The following ZNF100 variants were observed in gnomAD, a reference collection of about 807,000 sequenced individuals.
ZNF100 encodes zinc finger protein 100 (Y1).
In ZNF100, 12 loss-of-function variants were observed where a neutral mutation model predicts 15.8. The ratio of observed to expected loss-of-function variants is 0.76; its 90% CI spans 0.49 to 1.23. ZNF100 has a LOEUF of 1.23. ZNF100 is among the 50% of genes most tolerant of loss of function. ZNF100 has a pLI of 0.00. For missense variants in ZNF100, 670 were observed against 635.6 expected (o/e 1.05, Z -0.58); for synonymous variants, 226 against 214.8 (o/e 1.05, Z -0.45).
At chr19:21,732,236 T>C (rs2035933111) in intron 4 of ZNF100, among the ~76,000 whole-genome samples, 1 of 152,192 alleles carries the variant, frequency 6.6e-6, no homozygotes, top group African/African-American at 2.4e-5. Context: ...CCAAGAAAGA[T>C]ACAGTTACAA....
At chr19:21,745,817 CG>C (rs1466581504) in intron 2 of ZNF100, among the ~76,000 whole-genome samples, 10 of 152,166 alleles carry the variant, frequency 6.6e-5, no homozygotes, top group Non-Finnish European at 1.3e-4. Flanking sequence ...CCACCACGCC[CG>C]GCCGAGTTTC....
At chr19:21,738,971 T>C (rs1454326420) in intron 4 of ZNF100, among the ~76,000 whole-genome samples, 2 of 152,158 alleles carry the variant, frequency 1.3e-5, no homozygotes, top group African/African-American at 4.8e-5. Context: ...CCAGGTTCTT[T>C]TAATGAACCA....
At chr19:21,738,583 A>G (rs1386892684) in intron 4 of ZNF100, among the ~76,000 whole-genome samples, 1 of 152,152 alleles carries the variant, frequency 6.6e-6, no homozygotes, top group Non-Finnish European at 1.5e-5. Context: ...CTATTTAATA[A>G]ATGGTTCTGG....
At chr19:21,750,844 C>A (rs2036293695) in intron 2 of ZNF100, 1 of 477,914 alleles carries the variant, frequency 2.1e-6, no homozygotes. Context: ...GCAGAGACGC[C>A]CCATGGGGAA....
chr19:21,766,017 A>G (rs978656837), intron 1 of ZNF100, among the ~76,000 whole-genome samples: 3 of 152,190 alleles, frequency 2.0e-5, no homozygotes, highest in Non-Finnish European at 4.4e-5. Context: ...AGAGACACAG[A>G]GATTTTCTAC....
At chr19:21,728,032 CAGAT>C (rs747159044) in intron 4 of ZNF100, 43 bp from the exon 5 acceptor site, 7 of 1,430,910 alleles carry the variant, frequency 4.9e-6, no homozygotes, top group East Asian at 2.5e-5. Flanking sequence ...TTACTAGACA[CAGAT>C]AGTTTACAAA....
At chr19:21,750,140 G>C (rs983308918) in intron 2 of ZNF100, among the ~76,000 whole-genome samples, 1 of 152,176 alleles carries the variant, frequency 6.6e-6, no homozygotes, top group African/African-American at 2.4e-5. Flanking sequence ...ATCTTCCAAA[G>C]ACTGAACAAA....
At chr19:21,733,383 A>T (rs1286246593) in intron 4 of ZNF100, among the ~76,000 whole-genome samples, 1 of 152,008 alleles carries the variant, frequency 6.6e-6, no homozygotes, top group Admixed American at 6.6e-5. Flanking sequence ...ACATTGTTTT[A>T]ACTTTAAGAT....
chr19:21,740,486 A>G (rs1286716378), intron 4 of ZNF100, among the ~76,000 whole-genome samples: 10 of 123,714 alleles, frequency 8.1e-5, no homozygotes, highest in Middle Eastern at 4.3e-3. Flanking sequence ...TCCACATTAG[A>G]AAAAAAAAAC....
chr19:21,728,963 AAG>A (rs551322816), intron 4 of ZNF100, among the ~76,000 whole-genome samples: 2 of 152,026 alleles, frequency 1.3e-5, no homozygotes, highest in Non-Finnish European at 2.9e-5. Flanking sequence ...AAATATAAAA[AAG>A]AATAGCTGAA....
chr19:21,727,300 T>C lies in ZNF100; in HGVS notation c.1012A>G (p.Ile338Val), dbSNP rs1385356822. 6.2e-7 allele frequency: 1 copy of C among 1,613,040 alleles called. No homozygotes were observed. The highest frequency in any genetic ancestry group is 8.5e-7 in the Non-Finnish European group (1 of 1,179,684). Residue 338 changes from isoleucine (I) to valine (V), a missense_variant, in exon 5 of 5, where the codon ATT becomes GTT. Physicochemically the swap from Ile to Val is conservative, Grantham distance 29. Transcript: ENST00000358296. ...TTGTAGGGTTTCTCTCCAGTATGAA[T>C]TATCCTGTGTGTAGTAAGGTGTGAG... ...RSSHLTTHRI[I>V]HTGEKPYKCE...
chr19:21,745,759 T>A (rs369457181), intron 2 of ZNF100, among the ~76,000 whole-genome samples: 2 of 152,158 alleles, frequency 1.3e-5, no homozygotes, highest in Non-Finnish European at 1.5e-5. Flanking sequence ...CCTGACCTCA[T>A]GATCCACCCG....
At chr19:21,764,900 TCCA>T (rs770476907) in intron 2 of ZNF100, among the ~76,000 whole-genome samples, 1 of 152,116 alleles carries the variant, frequency 6.6e-6, no homozygotes, top group Non-Finnish European at 1.5e-5. Flanking sequence ...TCACCAATTA[TCCA>T]CCACATTTTC....
chr19:21,747,774 C>T (rs367642076), intron 2 of ZNF100, among the ~76,000 whole-genome samples: 19 of 152,196 alleles, frequency 1.2e-4, no homozygotes, highest in African/African-American at 4.6e-4. Context: ...ACAACATGTA[C>T]ACATGTACTA....
intron 2 of ZNF100, among the ~76,000 whole-genome samples, chr19:21,745,668 G>A (rs1183795522): frequency 3.3e-5 from 5 of 151,928 alleles, no homozygotes; most frequent in East Asian, 1.9e-4. Flanking sequence ...GACTACAGGC[G>A]CCCGCCACCG....
chr19:21,732,506 A>C (rs894125416), intron 4 of ZNF100, among the ~76,000 whole-genome samples: 1 of 152,226 alleles, frequency 6.6e-6, no homozygotes, highest in East Asian at 1.9e-4. Context: ...GGCTAGACAC[A>C]GTCTTAAATT....
At chr19:21,744,231 A>G in intron 3 of ZNF100, 116 bp from the exon 4 acceptor site, 3 of 936,370 alleles carry the variant, frequency 3.2e-6, no homozygotes. Flanking sequence ...CTAACGTACT[A>G]ATTAATGAGA....
At chr19:21,757,718 T>C (rs1269114765) in intron 2 of ZNF100, among the ~76,000 whole-genome samples, 1 of 152,136 alleles carries the variant, frequency 6.6e-6, no homozygotes, top group East Asian at 1.9e-4. Context: ...CCTAAATGCC[T>C]ATCAGTGGTA....
intron 4 of ZNF100, among the ~76,000 whole-genome samples, chr19:21,733,177 TAG>T (rs1210266727): frequency 6.6e-6 from 1 of 152,170 alleles, no homozygotes; most frequent in Non-Finnish European, 1.5e-5. Context: ...CAGACACATA[TAG>T]AATTTTTTTA....
Sources: allele counts gnomAD v4.1 joint callset (sites outside exome capture counted in the v4.1 genomes callset), GRCh38; gene constraint gnomAD v4.1.1; transcripts MANE v1.5; gene names NCBI Gene and HGNC (gene_info 2026-07-23, HGNC 2026-07-21).